CNTNAP2: variants seen among roughly 807,000 people sequenced by gnomAD.
The protein encoded by CNTNAP2 is contactin associated protein 2.
In CNTNAP2, 98 loss-of-function variants were observed where a neutral mutation model predicts 155.2. The observed-to-expected ratio is 0.63, with a 90% CI of 0.54 to 0.75. The LOEUF (loss-of-function observed/expected upper bound fraction) is 0.75. CNTNAP2 is among the 30% of genes least tolerant of loss of function. CNTNAP2 has a pLI of 0.00. For missense variants in CNTNAP2, 1,727 were observed against 1,688.1 expected (o/e 1.02, Z -0.40); for synonymous variants, 651 against 631.2 (o/e 1.03, Z -0.47).
intron 1 of CNTNAP2, among the ~76,000 whole-genome samples, chr7:146,172,241 A>G (rs1421423599): frequency 6.6e-6 from 1 of 152,026 alleles, no homozygotes; most frequent in Non-Finnish European, 1.5e-5. Context: ...GCCTCCCAGG[A>G]AACATCTGGC....
chr7:148,251,642 C>T (rs1336933943), intron 20 of CNTNAP2, among the ~76,000 whole-genome samples: 2 of 152,210 alleles, frequency 1.3e-5, no homozygotes, highest in African/African-American at 4.8e-5. Flanking sequence ...CTCCTCCTTA[C>T]ATGAATGCCC....
intron 9 of CNTNAP2, among the ~76,000 whole-genome samples, chr7:147,394,807 T>TTGTG (rs61695156): frequency 0.19 from 26,738 of 138,972 alleles, 2,802 homozygotes; most frequent in East Asian, 0.26. Context: ...ATCAACAGTA[T>TTGTG]TGTGTGTGTG....
intron 21 of CNTNAP2, among the ~76,000 whole-genome samples, chr7:148,305,561 C>T (rs1443373587): frequency 6.6e-6 from 1 of 152,160 alleles, no homozygotes; most frequent in Non-Finnish European, 1.5e-5. Flanking sequence ...CGCAGTTCTG[C>T]AGGGTTAACA....
intron 14 of CNTNAP2, among the ~76,000 whole-genome samples, chr7:147,909,998 C>T (rs1800032458): frequency 6.6e-6 from 1 of 152,176 alleles, no homozygotes; most frequent in Non-Finnish European, 1.5e-5. Context: ...GTCTAACAGC[C>T]TTTTTCTTCC....
intron 9 of CNTNAP2, among the ~76,000 whole-genome samples, chr7:147,307,731 T>C (rs1795057600): frequency 6.6e-6 from 1 of 152,276 alleles, no homozygotes; most frequent in African/African-American, 2.4e-5. Context: ...ATCTTTTTTC[T>C]AGGCCTGCTT....
chr7:148,364,920 C>T lies in CNTNAP2; in HGVS notation c.3476-18729C>T, dbSNP rs868413730. 1.1e-4 allele frequency among the ~76,000 whole-genome samples: 17 copies of T among 152,304 alleles called. 1 individual carries two copies. Among genetic ancestry groups the T allele is most frequent in the Middle Eastern group, 6.8e-3 (2 of 294 alleles). ...TGCTTTTATGAGCTGTAACACTCAC[C>T]GCGAAGGTCTGCAGCTTCACTCCTC... On this transcript the variant is annotated intron_variant, in intron 21 of 23. Coordinates refer to ENST00000361727, the MANE Select transcript of CNTNAP2 (RefSeq NM_014141.6).
chr7:147,864,409 G>A (rs115096431), intron 13 of CNTNAP2, among the ~76,000 whole-genome samples: 89,479 of 150,962 alleles, frequency 0.59, 26,773 homozygotes, highest in Middle Eastern at 0.69. Flanking sequence ...TTGGCAATGA[G>A]GGGTCTTTTT....
chr7:148,246,951 C>A (rs774760180), intron 20 of CNTNAP2, among the ~76,000 whole-genome samples: 2 of 152,258 alleles, frequency 1.3e-5, no homozygotes, highest in Middle Eastern at 3.4e-3. Flanking sequence ...TGTTTACTAC[C>A]AATTCTGTGG....
chr7:147,045,175 G>T (rs1524343), intron 4 of CNTNAP2, among the ~76,000 whole-genome samples: 55,417 of 151,844 alleles, frequency 0.36, 10,284 homozygotes, highest in South Asian at 0.42. Context: ...ACAAGGAGGG[G>T]ATTTGGTTTC....
chr7:147,238,077 C>T (rs553235596), intron 8 of CNTNAP2, among the ~76,000 whole-genome samples: 2 of 152,276 alleles, frequency 1.3e-5, no homozygotes, highest in Admixed American at 1.3e-4. Flanking sequence ...TGCAGTGGCG[C>T]GATCTCGGCT....
intron 1 of CNTNAP2, among the ~76,000 whole-genome samples, chr7:146,573,899 T>TA (rs983921532): frequency 6.6e-5 from 10 of 152,106 alleles, no homozygotes; most frequent in South Asian, 2.1e-4. Flanking sequence ...GAGATAGGTG[T>TA]AAAAAAATGC....
chr7:148,408,495 C>T (rs930319856), intron 22 of CNTNAP2, among the ~76,000 whole-genome samples: 1 of 152,220 alleles, frequency 6.6e-6, no homozygotes, highest in Non-Finnish European at 1.5e-5. Flanking sequence ...TGAATCATAA[C>T]ATAAACCTGT....
intron 8 of CNTNAP2, among the ~76,000 whole-genome samples, chr7:147,279,787 A>G (rs1461328842): frequency 6.6e-6 from 1 of 151,928 alleles, no homozygotes; most frequent in East Asian, 1.9e-4. Flanking sequence ...TAAATACTTT[A>G]AGAATGAAAT....
chr7:146,774,223 C>A (rs372332415), intron 1 of CNTNAP2, 48 bp from the exon 2 acceptor site: 1 of 1,364,546 alleles, frequency 7.3e-7, no homozygotes, highest in South Asian at 1.2e-5. Flanking sequence ...ATCGTTATTT[C>A]GAAATCGTTG....
At chr7:146,375,316 TA>T (rs1219209868) in intron 1 of CNTNAP2, among the ~76,000 whole-genome samples, 2 of 152,220 alleles carry the variant, frequency 1.3e-5, no homozygotes, top group African/African-American at 4.8e-5. Flanking sequence ...CCAGCCAGAA[TA>T]AACCTCTGTG....
At chr7:147,406,112 A>G (rs1797000487) in intron 10 of CNTNAP2, among the ~76,000 whole-genome samples, 1 of 152,172 alleles carries the variant, frequency 6.6e-6, no homozygotes, top group African/African-American at 2.4e-5. Flanking sequence ...TCATTCCCCA[A>G]TCTGAATAAA....
At chr7:147,056,511 ATGGT>A (rs1383300463) in intron 4 of CNTNAP2, among the ~76,000 whole-genome samples, 3 of 152,154 alleles carry the variant, frequency 2.0e-5, no homozygotes, top group African/African-American at 7.2e-5. Flanking sequence ...GACTCTGAAC[ATGGT>A]TGGATTAACA....
intron 1 of CNTNAP2, among the ~76,000 whole-genome samples, chr7:146,256,500 A>C (rs919524308): frequency 1.3e-5 from 2 of 152,154 alleles, no homozygotes; most frequent in South Asian, 4.1e-4. Flanking sequence ...CTATGACAAA[A>C]TATTTATAGT....
chr7:147,503,021 C>A (rs1448799423), intron 11 of CNTNAP2, among the ~76,000 whole-genome samples: 1 of 152,086 alleles, frequency 6.6e-6, no homozygotes, highest in Non-Finnish European at 1.5e-5. Flanking sequence ...TGTTTGATTT[C>A]TAGGGCTGCC....
Sources: gnomAD v4.1 joint callset for allele counts (sites outside exome capture counted in the v4.1 genomes callset) on GRCh38, gnomAD v4.1.1 for gene constraint, MANE v1.5 for transcripts, NCBI Gene and HGNC (gene_info 2026-07-23, HGNC 2026-07-21) for gene names.